Variants in AGBL1 observed in about 807,000 individuals in gnomAD.
AGBL1 encodes AGBL carboxypeptidase 1.
Under a neutral mutation model 118.9 loss-of-function variants are expected in AGBL1, and 130 were observed. That is an observed-to-expected ratio of 1.09 (90% CI 0.95 to 1.26). The LOEUF (loss-of-function observed/expected upper bound fraction) is 1.26, where lower values mean the gene tolerates loss of function less well. Among genes scored for constraint, AGBL1 ranks in the 50% most tolerant of loss-of-function variants. AGBL1 has a pLI of 0.00. For synonymous variants in AGBL1, 555 were observed against 478.9 expected (o/e 1.16, Z -2.08); for missense variants, 1,584 against 1,298.1 (o/e 1.22, Z -3.38).
chr15:86,155,248 G>A (rs1047787744), intron 4 of AGBL1, among the ~76,000 whole-genome samples: 6 of 152,058 alleles, frequency 3.9e-5, no homozygotes, highest in South Asian at 2.1e-4. Flanking sequence ...TGGTCAGATC[G>A]CTTGAGCCCA....
At chr15:86,372,921 G>A (rs2080990279) in intron 17 of AGBL1, among the ~76,000 whole-genome samples, 1 of 151,976 alleles carries the variant, frequency 6.6e-6, no homozygotes, top group South Asian at 2.1e-4. Flanking sequence ...TGGGTGCTAA[G>A]GATGAAATTT....
At chr15:86,250,090 G>A (rs1257908892) in intron 7 of AGBL1, among the ~76,000 whole-genome samples, 2 of 152,196 alleles carry the variant, frequency 1.3e-5, no homozygotes, top group African/African-American at 4.8e-5. Flanking sequence ...AAGCAGTTCA[G>A]GAGGGGCCTA....
At position 86,545,986 on chromosome 15, in the gene AGBL1, T is replaced by C; in HGVS notation, c.2686-16T>C. 2 of 1,609,848 alleles carry C rather than the reference T, an allele frequency of 1.2e-6. No homozygotes were observed. Among genetic ancestry groups the C allele is most frequent in the Non-Finnish European group, 1.7e-6 (2 of 1,176,796 alleles). On this transcript the variant is annotated splice_polypyrimidine_tract_variant and intron_variant, in intron 19 of 22. Transcript: ENST00000614907. ...CCTGACCTGGTTTTATTTTCTCCTT[T>C]GTTGGGCTATTGTAGGTTTTCTGTG...
intron 21 of AGBL1, among the ~76,000 whole-genome samples, chr15:86,642,001 C>A (rs2085199389): frequency 6.6e-6 from 1 of 152,170 alleles, no homozygotes; most frequent in African/African-American, 2.4e-5. Flanking sequence ...CTACCTTGAA[C>A]TTGTTCTCAT....
chr15:86,933,089 T>G (rs2080624740), intron 23 of AGBL1: 1 of 152,224 alleles, frequency 6.6e-6, no homozygotes, highest in African/African-American at 2.4e-5. Context: ...TTTCATGTGC[T>G]AGTCTAATCT....
At chr15:86,965,426 T>C (rs8025864) in intron 23 of AGBL1, among the ~76,000 whole-genome samples, 34 of 152,288 alleles carry the variant, frequency 2.2e-4, no homozygotes, top group African/African-American at 7.2e-4. Flanking sequence ...GCCGCATAAA[T>C]GTCTTCTTTT....
chr15:86,340,638 T>A (rs2080447233), intron 17 of AGBL1, among the ~76,000 whole-genome samples: 1 of 152,152 alleles, frequency 6.6e-6, no homozygotes, highest in African/African-American at 2.4e-5. Flanking sequence ...CCTCCAGAAG[T>A]GTGACTGAAT....
At chr15:86,766,178 C>T (rs977726885) in intron 22 of AGBL1, among the ~76,000 whole-genome samples, 4 of 151,890 alleles carry the variant, frequency 2.6e-5, no homozygotes, top group African/African-American at 7.3e-5. Flanking sequence ...TCCAGGGTCA[C>T]ACAGCCAGCA....
chr15:86,379,041 T>G (rs1406870603), intron 17 of AGBL1, among the ~76,000 whole-genome samples: 1 of 151,758 alleles, frequency 6.6e-6, no homozygotes, highest in African/African-American at 2.4e-5. Flanking sequence ...GCCTCCCGAG[T>G]GGCTGGGACT....
At chr15:86,234,639 T>C (rs1181948868) in intron 6 of AGBL1, among the ~76,000 whole-genome samples, 3 of 151,614 alleles carry the variant, frequency 2.0e-5, no homozygotes, top group Non-Finnish European at 2.9e-5. Context: ...AAAGACTGTG[T>C]AGAGTTGAAC....
chr15:86,666,390 A>G (rs984620844), intron 21 of AGBL1, among the ~76,000 whole-genome samples: 4 of 152,116 alleles, frequency 2.6e-5, no homozygotes, highest in African/African-American at 9.7e-5. Context: ...CTGTCTATTT[A>G]CTCAATTGTT....
At chr15:86,105,764 C>T (rs1183656882) in intron 1 of AGBL1, among the ~76,000 whole-genome samples, 1 of 152,204 alleles carries the variant, frequency 6.6e-6, no homozygotes, top group Non-Finnish European at 1.5e-5. Flanking sequence ...GTCTTCTATT[C>T]TCTTCTAGGC....
chr15:86,407,575 A>C (rs1897266), intron 18 of AGBL1, among the ~76,000 whole-genome samples: 2 of 151,996 alleles, frequency 1.3e-5, no homozygotes, highest in Non-Finnish European at 2.9e-5. Flanking sequence ...ATGTTTTACT[A>C]TAGGTCAGAT....
intron 18 of AGBL1, among the ~76,000 whole-genome samples, chr15:86,459,165 G>C (rs2096880832): frequency 6.6e-6 from 1 of 152,120 alleles, no homozygotes; most frequent in African/African-American, 2.4e-5. Flanking sequence ...GAGTGTAATA[G>C]GCTCCCTTGA....
chr15:86,252,145 G>A (rs570325707), intron 7 of AGBL1, among the ~76,000 whole-genome samples: 55 of 152,308 alleles, frequency 3.6e-4, no homozygotes, highest in Non-Finnish European at 7.5e-4. Flanking sequence ...TGATGCTACT[G>A]GTCTGGGTAC....
intron 17 of AGBL1, among the ~76,000 whole-genome samples, chr15:86,327,852 G>C (rs745839628): frequency 6.6e-6 from 1 of 152,162 alleles, no homozygotes; most frequent in East Asian, 1.9e-4. Flanking sequence ...CTAATGATAT[G>C]AGGAGGCTCA....
intron 17 of AGBL1, among the ~76,000 whole-genome samples, chr15:86,366,844 T>G (rs2080895173): frequency 1.3e-5 from 2 of 152,144 alleles, no homozygotes; most frequent in Non-Finnish European, 2.9e-5. Context: ...CTTGTCCATG[T>G]GTAAAATAAG....
intron 3 of AGBL1, among the ~76,000 whole-genome samples, chr15:86,146,256 C>A (rs916857390): frequency 6.6e-6 from 1 of 152,188 alleles, no homozygotes. Context: ...CTGTACTAAA[C>A]ATGTACAAAC....
At chr15:86,387,350 G>A (rs919115104) in intron 17 of AGBL1, among the ~76,000 whole-genome samples, 1 of 152,158 alleles carries the variant, frequency 6.6e-6, no homozygotes, top group East Asian at 1.9e-4. Flanking sequence ...GGGCCAGCTG[G>A]AGTGGGGTAC....
Sources: allele counts gnomAD v4.1 joint callset (sites outside exome capture counted in the v4.1 genomes callset), GRCh38; gene constraint gnomAD v4.1.1; transcripts MANE v1.5; gene names NCBI Gene and HGNC (gene_info 2026-07-23, HGNC 2026-07-21).